Variants in RALYL observed in about 807,000 individuals in gnomAD.
The protein encoded by RALYL is RNA-binding Raly-like protein.
Under a neutral mutation model 35.1 loss-of-function variants are expected in RALYL, and 29 were observed. That is an observed-to-expected ratio of 0.83 (90% CI 0.61 to 1.13). The LOEUF (loss-of-function observed/expected upper bound fraction) is 1.13. Among genes scored for constraint, RALYL ranks in the 50% most tolerant of loss-of-function variants. The pLI is 0.00. For synonymous variants in RALYL, 120 were observed against 127.6 expected (o/e 0.94, Z 0.40); for missense variants, 359 against 360.4 (o/e 1.00, Z 0.03).
At chr8:84,457,134 T>C (rs1010113779) in intron 1 of RALYL, among the ~76,000 whole-genome samples, 6 of 151,980 alleles carry the variant, frequency 3.9e-5, no homozygotes, top group African/African-American at 1.4e-4. Context: ...CCTTGCCAGT[T>C]GTCATTCTGA....
rs150410711 is a variant in RALYL at position 84,897,710 on chromosome 8, A to T, written c.858+9934A>T. On this transcript the variant is annotated intron_variant, in intron 8 of 8. Coordinates refer to ENST00000521268, the MANE Select transcript of RALYL (RefSeq NM_173848.7). ...CTTACATATCACATTTTCTTTAGTC[A>T]CCCAGACACTTATTCATTAAAATAA... Among the ~76,000 whole-genome samples, 21 of 152,268 alleles carry T rather than the reference A, an allele frequency of 1.4e-4. No individual in the cohort carries two copies. In the East Asian group the frequency reaches 3.7e-3, roughly 27 times the overall value.
chr8:84,473,964 T>C (rs1476664695), intron 1 of RALYL, among the ~76,000 whole-genome samples: 1 of 152,034 alleles, frequency 6.6e-6, no homozygotes, highest in Non-Finnish European at 1.5e-5. Context: ...ATTTGGTTCA[T>C]TATATGAAAT....
intron 2 of RALYL, among the ~76,000 whole-genome samples, chr8:84,684,693 C>T (rs928250611): frequency 5.3e-5 from 8 of 152,152 alleles, no homozygotes; most frequent in Non-Finnish European, 1.0e-4. Context: ...ATTGGCATGA[C>T]ATTTTAAGAT....
At position 84,631,178 on chromosome 8, in the gene RALYL, G is replaced by A. The variant is rs576392721; in HGVS notation, c.256+101601G>A. Among the ~76,000 whole-genome samples, 3 of 151,922 alleles carry A rather than the reference G, an allele frequency of 2.0e-5. No homozygotes were observed. The South Asian group carries it at 6.2e-4, about 32-fold the overall frequency. On this transcript the variant is annotated intron_variant, in intron 2 of 8. Coordinates refer to ENST00000521268, the MANE Select transcript of RALYL (RefSeq NM_173848.7). ...TATAATGTTTCTGCATTTCAGCAAG[G>A]TCTTTGCCTATCTTAGCAAAGTCTG...
intron 2 of RALYL, among the ~76,000 whole-genome samples, chr8:84,706,686 T>A (rs998822451): frequency 1.3e-5 from 2 of 152,094 alleles, no homozygotes; most frequent in Admixed American, 1.3e-4. Flanking sequence ...AGCAGCACAA[T>A]TACCCTGGCG....
intron 2 of RALYL, among the ~76,000 whole-genome samples, chr8:84,643,815 A>T (rs1826905786): frequency 6.6e-6 from 1 of 152,034 alleles, no homozygotes; most frequent in South Asian, 2.1e-4. Context: ...AAAAAGAGGA[A>T]CTTGGAATGG....
At chr8:84,752,639 G>A (rs969203751) in intron 2 of RALYL, among the ~76,000 whole-genome samples, 2 of 152,114 alleles carry the variant, frequency 1.3e-5, no homozygotes, top group African/African-American at 2.4e-5. Flanking sequence ...TGTGCAGCCT[G>A]GGAACACTGC....
intron 1 of RALYL, among the ~76,000 whole-genome samples, chr8:84,445,828 T>A (rs550281514): frequency 7.9e-5 from 12 of 151,592 alleles, no homozygotes; most frequent in African/African-American, 2.7e-4. Flanking sequence ...CTATGTTCTT[T>A]AATTTTTCAC....
chr8:84,556,159 G>T (rs189577872), intron 2 of RALYL, among the ~76,000 whole-genome samples: 1 of 152,250 alleles, frequency 6.6e-6, no homozygotes, highest in African/African-American at 2.4e-5. Context: ...AAATATTATT[G>T]AAAATTACTA....
At chr8:84,763,052 T>G (rs142729843) in intron 2 of RALYL, among the ~76,000 whole-genome samples, 3 of 152,298 alleles carry the variant, frequency 2.0e-5, no homozygotes, top group African/African-American at 7.2e-5. Flanking sequence ...TCTCTCCACA[T>G]GAAACACATT....
intron 2 of RALYL, among the ~76,000 whole-genome samples, chr8:84,656,912 C>T (rs534638712): frequency 1.3e-5 from 2 of 152,060 alleles, no homozygotes; most frequent in Admixed American, 6.6e-5. Context: ...AATTTTATAG[C>T]TGGAATCATG....
At chr8:84,700,787 T>A (rs1368037409) in intron 2 of RALYL, among the ~76,000 whole-genome samples, 1 of 152,172 alleles carries the variant, frequency 6.6e-6, no homozygotes, top group Non-Finnish European at 1.5e-5. Flanking sequence ...TGGGTCCAGA[T>A]CTCCAGACAG....
chr8:84,437,834 G>A lies in RALYL; in HGVS notation c.-23-91465G>A, dbSNP rs969857797. The stretch of plus-strand genomic sequence containing the variant: ...TGCACCTGCTTTCATCATGTGATGT[G>A]CTCCCTCTTTGCCTTTCACCATGAT... On this transcript the variant is annotated intron_variant, in intron 1 of 8. Coordinates refer to ENST00000521268, the MANE Select transcript of RALYL (RefSeq NM_173848.7). Among the ~76,000 whole-genome samples the A allele has an allele frequency of 3.3e-5, 5 of 152,120 alleles. No homozygotes were observed. In the East Asian group the frequency reaches 9.7e-4, roughly 30 times the overall value.
chr8:84,789,781 CTA>C (rs1459472934), intron 3 of RALYL, among the ~76,000 whole-genome samples: 1 of 152,102 alleles, frequency 6.6e-6, no homozygotes, highest in Non-Finnish European at 1.5e-5. Context: ...TCACTTGAGC[CTA>C]CTTGCAGTTT....
At chr8:84,804,930 C>A (rs1051430866) in intron 4 of RALYL, 128 bp downstream of exon 4, 11 of 417,220 alleles carry the variant, frequency 2.6e-5, no homozygotes, top group Admixed American at 5.5e-5. Context: ...TGCAACATTG[C>A]TATCTATGTT....
chr8:84,772,128 A>G (rs537293120), intron 2 of RALYL, among the ~76,000 whole-genome samples: 1 of 152,044 alleles, frequency 6.6e-6, no homozygotes, highest in Non-Finnish European at 1.5e-5. Context: ...CTGATCTGCT[A>G]TGTCGGCTCC....
At chr8:84,373,016 A>G (rs1395738983) in intron 1 of RALYL, among the ~76,000 whole-genome samples, 1 of 146,030 alleles carries the variant, frequency 6.8e-6, no homozygotes, top group African/African-American at 2.5e-5. Flanking sequence ...TTTTTTTCAT[A>G]TGCTTGTTAG....
chr8:84,470,617 A>G lies in RALYL; in HGVS notation c.-23-58682A>G, dbSNP rs1194677233. On this transcript the variant is annotated intron_variant, in intron 1 of 8. Coordinates refer to ENST00000521268, the MANE Select transcript of RALYL (RefSeq NM_173848.7). ...TACTGACATTGTGTCCTGCCAGCCTATTGTGAGGTACATCAGATGTGAATG... is the reference window on the plus strand; with the variant it reads ...TACTGACATTGTGTCCTGCCAGCCTGTTGTGAGGTACATCAGATGTGAATG... Among the ~76,000 whole-genome samples the G allele has an allele frequency of 5.3e-5, 8 of 152,294 alleles. No individual in the cohort carries two copies. In the East Asian group the frequency reaches 7.7e-4, roughly 15 times the overall value.
intron 1 of RALYL, among the ~76,000 whole-genome samples, chr8:84,447,409 G>C (rs985516497): frequency 3.9e-5 from 6 of 151,916 alleles, no homozygotes; most frequent in South Asian, 2.1e-4. Context: ...TGGTCTTGGA[G>C]CTCACTTTTG....
Sources: gnomAD v4.1 joint callset for allele counts (sites outside exome capture counted in the v4.1 genomes callset) on GRCh38, gnomAD v4.1.1 for gene constraint, MANE v1.5 for transcripts, NCBI Gene and HGNC (gene_info 2026-07-23, HGNC 2026-07-21) for gene names.